The following NCKAP5 variants were observed in gnomAD, a reference collection of about 807,000 sequenced individuals.
NCKAP5 encodes NCK associated protein 5.
Under a neutral mutation model 167.0 loss-of-function variants are expected in NCKAP5, and 92 were observed. The observed-to-expected ratio is 0.55, with a 90% CI of 0.47 to 0.66. The LOEUF (loss-of-function observed/expected upper bound fraction) is 0.66. NCKAP5 is among the 30% of genes least tolerant of loss of function. The pLI is 0.00. For synonymous variants in NCKAP5, 891 were observed against 877.4 expected, an observed-to-expected ratio of 1.02 and a Z score of -0.27; for missense variants, 2,378 against 2,315.0, an observed-to-expected ratio of 1.03 and a Z score of -0.56.
intron 6 of NCKAP5, among the ~76,000 whole-genome samples, chr2:133,020,966 A>G (rs566105859): frequency 1.3e-5 from 2 of 152,274 alleles, no homozygotes; most frequent in East Asian, 3.9e-4. Flanking sequence ...GTCAGCAGTT[A>G]CCTACTTGTG....
At chr2:133,466,216 A>C (rs1482885632) in intron 3 of NCKAP5, among the ~76,000 whole-genome samples, 82 of 146,458 alleles carry the variant, frequency 5.6e-4, no homozygotes, top group African/African-American at 1.3e-3. Flanking sequence ...CCAGTTTCAG[A>C]TTTCTACATA....
At chr2:133,112,205 T>C (rs2081937314) in intron 6 of NCKAP5, among the ~76,000 whole-genome samples, 1 of 152,204 alleles carries the variant, frequency 6.6e-6, no homozygotes, top group South Asian at 2.1e-4. Context: ...TATGGCGTGG[T>C]GGCTCACACC....
At chr2:133,116,310 AC>A (rs1338710770) in intron 6 of NCKAP5, among the ~76,000 whole-genome samples, 1 of 95,300 alleles carries the variant, frequency 1.0e-5, no homozygotes, top group Non-Finnish European at 2.0e-5. Context: ...ACACGGTGAA[AC>A]CCCGTCTCTA....
At chr2:132,984,435 C>A (rs1202147517) in intron 7 of NCKAP5, among the ~76,000 whole-genome samples, 3 of 152,180 alleles carry the variant, frequency 2.0e-5, no homozygotes, top group Non-Finnish European at 4.4e-5. Context: ...GGTTGTGGTT[C>A]TGCCTCCTCA....
At chr2:132,835,461 G>C (rs999169222) in intron 11 of NCKAP5, among the ~76,000 whole-genome samples, 2 of 151,942 alleles carry the variant, frequency 1.3e-5, no homozygotes, top group Admixed American at 1.3e-4. Flanking sequence ...ATCTTCCTTA[G>C]AACACTAAGC....
intron 6 of NCKAP5, among the ~76,000 whole-genome samples, chr2:133,007,295 T>C (rs1383084703): frequency 6.6e-6 from 1 of 152,220 alleles, no homozygotes; most frequent in Non-Finnish European, 1.5e-5. Flanking sequence ...TTGTTTTTAT[T>C]ATGGTTTTAA....
chr2:133,577,580 C>T, the NCKAP5 span, among the ~76,000 whole-genome samples: 1 of 151,936 alleles, frequency 6.6e-6, no homozygotes, highest in South Asian at 2.1e-4. Flanking sequence ...AGGTTTGTTA[C>T]ATTGTACACA....
chr2:132,789,410 ATCT>A (rs751609511), intron 13 of NCKAP5, among the ~76,000 whole-genome samples: 1 of 152,186 alleles, frequency 6.6e-6, no homozygotes, highest in Non-Finnish European at 1.5e-5. Flanking sequence ...CAACCTTGAG[ATCT>A]TCTGAGTTCT....
At chr2:133,234,809 A>G (rs148038697) in intron 4 of NCKAP5, among the ~76,000 whole-genome samples, 233 of 152,044 alleles carry the variant, frequency 1.5e-3, no homozygotes, top group African/African-American at 5.4e-3. Flanking sequence ...CTTTTCAGAA[A>G]GATGAAAAAT....
rs561962372 is a variant in NCKAP5, at chr2:133,464,060, C to T, written c.69+53398G>A. On this transcript the variant is annotated intron_variant, in intron 3 of 19. Coordinates refer to ENST00000409261, the MANE Select transcript of NCKAP5 (RefSeq NM_207363.3). ...ACTGCAAACAGCACGGGGGAGCCTGCATGCCCCAACTTTCCATCAACGGGC... is the reference window on the plus strand; with the variant it reads ...ACTGCAAACAGCACGGGGGAGCCTGTATGCCCCAACTTTCCATCAACGGGC... Among the ~76,000 whole-genome samples the T allele has an allele frequency of 2.6e-5, 4 of 152,270 alleles. No homozygotes were observed. In the East Asian group the frequency reaches 7.7e-4, roughly 29 times the overall value.
intron 3 of NCKAP5, among the ~76,000 whole-genome samples, chr2:133,350,889 T>G (rs1330464357): frequency 6.6e-6 from 1 of 152,016 alleles, no homozygotes; most frequent in Non-Finnish European, 1.5e-5. Context: ...ACCCTCTCCC[T>G]CTCTCTCCTT....
At chr2:133,303,006 G>C (rs1256928782) in intron 4 of NCKAP5, 31 bp downstream of exon 4, 1 of 1,513,084 alleles carries the variant, frequency 6.6e-7, no homozygotes, top group South Asian at 1.2e-5. Flanking sequence ...TGCTACCTGA[G>C]CAAGCAAATA....
At chr2:133,351,631 G>C (rs1684370026) in intron 3 of NCKAP5, among the ~76,000 whole-genome samples, 1 of 152,124 alleles carries the variant, frequency 6.6e-6, no homozygotes, top group South Asian at 2.1e-4. Flanking sequence ...ACAAGGAGGA[G>C]GTAATGCTCT....
chr2:133,634,493 T>G, the NCKAP5 span, among the ~76,000 whole-genome samples: 1 of 152,230 alleles, frequency 6.6e-6, no homozygotes, highest in Non-Finnish European at 1.5e-5. Flanking sequence ...GGACTACTTT[T>G]TCACCACCCC....
At chr2:133,115,295 C>G (rs1030248970) in intron 6 of NCKAP5, among the ~76,000 whole-genome samples, 4 of 152,140 alleles carry the variant, frequency 2.6e-5, no homozygotes, top group African/African-American at 4.8e-5. Flanking sequence ...CAGCCTCAGA[C>G]TGCTATGACA....
intron 6 of NCKAP5, among the ~76,000 whole-genome samples, chr2:133,057,258 C>T (rs972990489): frequency 2.0e-5 from 3 of 152,184 alleles, no homozygotes; most frequent in East Asian, 1.9e-4. Flanking sequence ...AATAACCCTA[C>T]AATAGCCTCT....
intron 6 of NCKAP5, among the ~76,000 whole-genome samples, chr2:133,102,412 G>T (rs1399529941): frequency 6.6e-6 from 1 of 152,142 alleles, no homozygotes; most frequent in Admixed American, 6.5e-5. Context: ...CTCCCCAAGT[G>T]CTGGGATTAC....
intron 3 of NCKAP5, among the ~76,000 whole-genome samples, chr2:133,397,558 C>T (rs1455406899): frequency 2.0e-5 from 3 of 152,146 alleles, no homozygotes; most frequent in Non-Finnish European, 4.4e-5. Flanking sequence ...CCTCTGTTAT[C>T]TTTATTCTCA....
intron 3 of NCKAP5, among the ~76,000 whole-genome samples, chr2:133,437,673 T>G (rs1164601621): frequency 6.6e-6 from 1 of 152,168 alleles, no homozygotes; most frequent in Non-Finnish European, 1.5e-5. Flanking sequence ...GCAGCTCTGC[T>G]TTTTATGGCC....
Sources: allele counts gnomAD v4.1 joint callset (sites outside exome capture counted in the v4.1 genomes callset), GRCh38; gene constraint gnomAD v4.1.1; transcripts MANE v1.5; gene names NCBI Gene and HGNC (gene_info 2026-07-23, HGNC 2026-07-21).